TENM4: variants seen among roughly 807,000 people sequenced by gnomAD.
TENM4 encodes teneurin-4.
Under a neutral mutation model 243.3 loss-of-function variants are expected in TENM4, and 82 were observed. The observed-to-expected ratio is 0.34, with a 90% CI of 0.28 to 0.40. TENM4 has a LOEUF of 0.40. TENM4 is among the 10% of genes least tolerant of loss of function. The probability of loss-of-function intolerance (pLI) is 1.00; values close to 1 mark genes in which losing one functional copy is unlikely to be tolerated. For synonymous variants in TENM4, 1,412 were observed against 1,456.3 expected (o/e 0.97, Z 0.69); for missense variants, 3,138 against 3,673.3 (o/e 0.85, Z 3.77).
rs1030691936 is a variant in TENM4, at chr11:78,701,870, T to C, written c.4743A>G (p.Pro1581=). The C allele has an allele frequency of 1.9e-6, 3 of 1,613,904 alleles. No individual in the cohort carries two copies. The highest frequency in any genetic ancestry group is 1.6e-4 in the Middle Eastern group (1 of 6,084). The change falls in exon 28 of 34, where the codon CCA becomes CCG. Residue 1581 remains proline, a synonymous_variant. Coordinates refer to ENST00000278550, the MANE Select transcript of TENM4 (RefSeq NM_001098816.3). The part of the protein sequence containing the change: ...NTQNMYELSS[P]IDQELYLFDT... ...CAAACAGATAGAGCTCCTGGTCAAT[T>C]GGTGAAGACAGCTCATACATGTTCT... is the stretch of plus-strand genomic sequence containing the variant.
At chr11:79,155,510 C>T (rs759180869) in intron 3 of TENM4, among the ~76,000 whole-genome samples, 1 of 152,176 alleles carries the variant, frequency 6.6e-6, no homozygotes, top group Non-Finnish European at 1.5e-5. Flanking sequence ...TCAAGATAGA[C>T]TCCAGAGTGC....
intron 4 of TENM4, among the ~76,000 whole-genome samples, chr11:79,119,344 C>A (rs750438860): frequency 1.4e-4 from 21 of 150,806 alleles, no homozygotes; most frequent in Admixed American, 1.3e-4. Flanking sequence ...GTTTGATAAT[C>A]ATTATTATTG....
In TENM4 at chr11:78,720,358, T is replaced by G; in HGVS notation, c.3821+12A>C. 1.2e-6 allele frequency: 2 copies of G among 1,613,920 alleles called. No homozygotes were observed. The highest frequency in any genetic ancestry group is 4.5e-5 in the East Asian group (2 of 44,882). ...AGGGGTGAGGCAGGAAATTCTCCACTGGTTGGCTTACCTATGTCTGAAATC... is the reference window on the plus strand; with the variant it reads ...AGGGGTGAGGCAGGAAATTCTCCACGGGTTGGCTTACCTATGTCTGAAATC... On this transcript the variant is annotated intron_variant, in intron 25 of 33. Coordinates refer to ENST00000278550, the MANE Select transcript of TENM4 (RefSeq NM_001098816.3).
At chr11:79,387,260 AT>A (rs1428335208) in intron 1 of TENM4, among the ~76,000 whole-genome samples, 1 of 152,244 alleles carries the variant, frequency 6.6e-6, no homozygotes, top group African/African-American at 2.4e-5. Context: ...AAGGGGAAAG[AT>A]AGAGACTGGG....
chr11:79,200,851 G>T (rs1276548074), intron 3 of TENM4, among the ~76,000 whole-genome samples: 1 of 152,142 alleles, frequency 6.6e-6, no homozygotes, highest in African/African-American at 2.4e-5. Flanking sequence ...TTCTAGCTGG[G>T]GCATTACAAG....
At chr11:79,327,855 C>T (rs924837212) in intron 1 of TENM4, among the ~76,000 whole-genome samples, 1 of 151,932 alleles carries the variant, frequency 6.6e-6, no homozygotes. Context: ...TGGGACAGTG[C>T]CTGAGAACTA....
intron 7 of TENM4, among the ~76,000 whole-genome samples, chr11:78,894,268 T>A (rs781133399): frequency 1.3e-5 from 2 of 152,132 alleles, no homozygotes; most frequent in Non-Finnish European, 2.9e-5. Flanking sequence ...CTGCATGGCA[T>A]GCTCCCTAGA....
At chr11:79,434,126 T>C (rs61884065) in intron 1 of TENM4, among the ~76,000 whole-genome samples, 10,689 of 152,206 alleles carry the variant, frequency 0.07, 455 homozygotes, top group Middle Eastern at 0.12. Context: ...TGAGAAGGGG[T>C]AACGGCAAAA....
chr11:79,069,795 C>A lies in TENM4; in HGVS notation c.150G>T (p.Gln50His). Residue 50 changes from glutamine (Q) to histidine (H), a missense_variant, in exon 5 of 34, where the codon CAG becomes CAT. Transcript: ENST00000278550. ...GGCTGCCATAGGCTAGGCGGGCGTC[C>A]TGGTCGTAGGCCTTCAGGGTCTCGC... ...SSSETLKAYD[Q>H]DARLAYGSRV... The A allele has an allele frequency of 1.3e-6, 2 of 1,551,286 alleles. No homozygotes were observed. The highest frequency in any genetic ancestry group is 3.9e-5 in the Admixed American group (2 of 51,016).
At chr11:79,165,095 A>G (rs1249565703) in intron 3 of TENM4, among the ~76,000 whole-genome samples, 1 of 152,044 alleles carries the variant, frequency 6.6e-6, no homozygotes, top group Admixed American at 6.6e-5. Context: ...TTGTGCTCTT[A>G]TAAACATGCT....
chr11:79,338,791 A>G (rs376683794), intron 1 of TENM4, among the ~76,000 whole-genome samples: 7 of 152,328 alleles, frequency 4.6e-5, no homozygotes, highest in South Asian at 2.1e-4. Context: ...TCAAAGTCCC[A>G]GCTGAACCTT....
chr11:79,187,422 C>T (rs1446253251), intron 3 of TENM4, among the ~76,000 whole-genome samples: 5 of 152,230 alleles, frequency 3.3e-5, no homozygotes, highest in Admixed American at 1.3e-4. Flanking sequence ...TGGACCCACT[C>T]AGCCAGAAAG....
chr11:78,717,694 A>T (rs1321041484), intron 25 of TENM4, among the ~76,000 whole-genome samples: 2 of 152,260 alleles, frequency 1.3e-5, no homozygotes, highest in African/African-American at 4.8e-5. Flanking sequence ...TTTAGAAACT[A>T]CTAGAAGATT....
Position 78,787,000 on chromosome 11 carries a change from A to C in TENM4, c.2263T>G (p.Cys755Gly). 1 of 1,573,218 alleles carries C rather than the reference A, an allele frequency of 6.4e-7. No individual in the cohort carries two copies. Among genetic ancestry groups the C allele is most frequent in the Non-Finnish European group, 8.6e-7 (1 of 1,159,390 alleles). Reference protein sequence around the residue: ...RCEDGWMGAACDQRACHPRCA... With the variant: ...RCEDGWMGAAGDQRACHPRCA... The stretch of plus-strand genomic sequence containing the variant: ...CGCGGGTGGCAGGCCCGCTGGTCGC[A>C]GGCTGCCCCCATCCAGCCATCCTCG... The change falls in exon 16 of 34, where the codon TGC becomes GGC. Residue 755 changes from cysteine to glycine, a missense_variant. Around this residue, in one of 2 missense-constraint regions of TENM4, gnomAD observed 2,467 missense variants for 3,059.1 expected, o/e 0.81. Coordinates refer to ENST00000278550, the MANE Select transcript of TENM4 (RefSeq NM_001098816.3).
At chr11:79,092,599 A>ATGC (rs1192624200) in intron 4 of TENM4, among the ~76,000 whole-genome samples, 2 of 152,220 alleles carry the variant, frequency 1.3e-5, no homozygotes, top group Non-Finnish European at 2.9e-5. Context: ...GAAAGGGTTC[A>ATGC]TGCTGCTTAT....
At chr11:78,805,013 T>A (rs1210961096) in intron 15 of TENM4, among the ~76,000 whole-genome samples, 2 of 152,110 alleles carry the variant, frequency 1.3e-5, no homozygotes, top group Non-Finnish European at 2.9e-5. Context: ...AGATGAGAGT[T>A]CGGTGAAACA....
At chr11:78,742,524 G>A (rs1021574657) in intron 19 of TENM4, among the ~76,000 whole-genome samples, 16 of 152,282 alleles carry the variant, frequency 1.1e-4, no homozygotes, top group South Asian at 4.1e-4. Context: ...AAATGCCCCC[G>A]TGTAGTTTTC....
intron 1 of TENM4, among the ~76,000 whole-genome samples, chr11:79,368,391 A>G (rs1857717056): frequency 6.6e-6 from 1 of 152,252 alleles, no homozygotes; most frequent in African/African-American, 2.4e-5. Flanking sequence ...CGACAGAGAC[A>G]GTGAGAATTA....
intron 26 of TENM4, among the ~76,000 whole-genome samples, chr11:78,709,769 C>A (rs1433139053): frequency 6.6e-6 from 1 of 152,210 alleles, no homozygotes; most frequent in Admixed American, 6.5e-5. Context: ...TCACAGGCAC[C>A]TGAAGAGGTT....
Sources: gnomAD v4.1 joint callset for allele counts (sites outside exome capture counted in the v4.1 genomes callset) on GRCh38, gnomAD v4.1.1 for gene constraint, gnomAD v4.1.1 regional missense constraint, MANE v1.5 for transcripts, NCBI Gene and HGNC (gene_info 2026-07-23, HGNC 2026-07-21) for gene names.